PCDH15: variants seen among roughly 807,000 people sequenced by gnomAD.
PCDH15 encodes protocadherin-15.
A neutral mutation model predicts 178.5 loss-of-function variants in PCDH15; 129 were observed. The ratio of observed to expected loss-of-function variants is 0.72; its 90% CI spans 0.63 to 0.84. PCDH15 has a LOEUF of 0.84. Ranked by LOEUF, PCDH15 falls within the 40% of genes least tolerant of loss-of-function variation. The probability of loss-of-function intolerance (pLI) is 0.00; values close to 1 mark genes in which losing one functional copy is unlikely to be tolerated. For missense variants in PCDH15, 2,230 were observed against 2,099.9 expected, an observed-to-expected ratio of 1.06 and a Z score of -1.21; for synonymous variants, 800 against 732.0, an observed-to-expected ratio of 1.09 and a Z score of -1.50.
At chr10:55,053,928 G>T (rs958976361) in intron 2 of PCDH15, among the ~76,000 whole-genome samples, 24 of 152,128 alleles carry the variant, frequency 1.6e-4, no homozygotes, top group African/African-American at 5.6e-4. Flanking sequence ...GGCCATTAGA[G>T]AAAAGCGAAG....
intron 3 of PCDH15, among the ~76,000 whole-genome samples, chr10:54,882,046 A>G (rs554312310): frequency 6.6e-6 from 1 of 152,180 alleles, no homozygotes; most frequent in African/African-American, 2.4e-5. Context: ...CCTGGTTCCT[A>G]AGACTGTTCA....
chr10:55,043,795 C>T (rs959122064), intron 2 of PCDH15, among the ~76,000 whole-genome samples: 3 of 151,682 alleles, frequency 2.0e-5, no homozygotes, highest in African/African-American at 7.3e-5. Context: ...ATAGAAACCT[C>T]TTACGTGAGT....
At chr10:54,551,368 T>C (rs942250489) in intron 2 of PCDH15, among the ~76,000 whole-genome samples, 3 of 151,970 alleles carry the variant, frequency 2.0e-5, no homozygotes, top group African/African-American at 7.2e-5. Flanking sequence ...AATCTAGAAA[T>C]TAAATGTATC....
At chr10:54,527,092 TAGAAAC>T (rs2083433711) in intron 3 of PCDH15, among the ~76,000 whole-genome samples, 1 of 152,210 alleles carries the variant, frequency 6.6e-6, no homozygotes, top group African/African-American at 2.4e-5. Flanking sequence ...TAGTTTAAAA[TAGAAAC>T]AGAGTCCCAA....
intron 1 of PCDH15, among the ~76,000 whole-genome samples, chr10:55,224,316 C>T (rs1840965993): frequency 6.6e-6 from 1 of 152,118 alleles, no homozygotes; most frequent in Non-Finnish European, 1.5e-5. Context: ...CAAATGTTCC[C>T]TCAAAAGGTG....
intron 2 of PCDH15, among the ~76,000 whole-genome samples, chr10:55,560,905 C>A (rs1219922794): frequency 2.6e-5 from 4 of 151,674 alleles, no homozygotes; most frequent in African/African-American, 9.7e-5. Flanking sequence ...TAAAGAGTAA[C>A]TTTTGTTGCA....
intron 2 of PCDH15, among the ~76,000 whole-genome samples, chr10:55,572,967 C>A (rs1842435346): frequency 6.6e-6 from 1 of 151,940 alleles, no homozygotes; most frequent in African/African-American, 2.4e-5. Flanking sequence ...GATCTGTTTG[C>A]AGTGAATTGA....
intron 2 of PCDH15, among the ~76,000 whole-genome samples, chr10:55,404,945 C>T (rs1227063288): frequency 6.6e-6 from 1 of 151,808 alleles, no homozygotes; most frequent in Non-Finnish European, 1.5e-5. Context: ...TTATGAACTA[C>T]AAGTCTTCTT....
chr10:55,177,719 T>C lies in PCDH15; in HGVS notation c.-155-11068A>G, dbSNP rs552775308. Among the ~76,000 whole-genome samples the C allele has an allele frequency of 3.9e-5, 6 of 152,272 alleles. No homozygotes were observed. In the South Asian group the frequency reaches 1.0e-3, roughly 26 times the overall value. On this transcript the variant is annotated intron_variant, in intron 1 of 5. Transcript: ENST00000458638. Reference sequence around the variant, plus strand: ...GATCTACAGTCCAGTTAAGAAGGTGTCACTGTCAAAACTCAGCCACCTTCC... The same window carrying C: ...GATCTACAGTCCAGTTAAGAAGGTGCCACTGTCAAAACTCAGCCACCTTCC...
At chr10:54,649,648 T>G (rs909064661) in intron 2 of PCDH15, among the ~76,000 whole-genome samples, 1 of 152,114 alleles carries the variant, frequency 6.6e-6, no homozygotes, top group South Asian at 2.1e-4. Context: ...CATATACATG[T>G]GTGTGTATGT....
intron 16 of PCDH15, among the ~76,000 whole-genome samples, chr10:54,081,491 T>C (rs572871328): frequency 1.3e-5 from 2 of 152,260 alleles, no homozygotes; most frequent in South Asian, 2.1e-4. Flanking sequence ...TTTTATGTAA[T>C]ACGCGGGCCT....
At chr10:55,270,839 A>G (rs1002371155) in intron 1 of PCDH15, among the ~76,000 whole-genome samples, 2 of 151,758 alleles carry the variant, frequency 1.3e-5, no homozygotes, top group Non-Finnish European at 1.5e-5. Context: ...ATGCACTCAC[A>G]TGTTCATTGC....
chr10:54,518,975 A>T (rs925513999), intron 3 of PCDH15, among the ~76,000 whole-genome samples: 3 of 152,232 alleles, frequency 2.0e-5, no homozygotes, highest in Non-Finnish European at 4.4e-5. Context: ...TGATTATCTC[A>T]ATAGATGCAG....
At chr10:54,201,091 T>C (rs906857215) in intron 10 of PCDH15, among the ~76,000 whole-genome samples, 5 of 152,166 alleles carry the variant, frequency 3.3e-5, no homozygotes, top group Non-Finnish European at 5.9e-5. Context: ...GGCAGCTACA[T>C]AGTTACAGGT....
intron 2 of PCDH15, among the ~76,000 whole-genome samples, chr10:54,530,039 G>A (rs2083751993): frequency 6.6e-6 from 1 of 151,960 alleles, no homozygotes; most frequent in Non-Finnish European, 1.5e-5. Flanking sequence ...TTATGGGCAA[G>A]CAGAATATAG....
intron 2 of PCDH15, among the ~76,000 whole-genome samples, chr10:55,426,872 G>A (rs1291464660): frequency 2.6e-5 from 4 of 152,098 alleles, no homozygotes; most frequent in African/African-American, 9.7e-5. Context: ...CTCTCCCTCT[G>A]AAGTCAAGCC....
chr10:54,926,261 G>C (rs1318309023), intron 2 of PCDH15, among the ~76,000 whole-genome samples: 1 of 152,006 alleles, frequency 6.6e-6, no homozygotes, highest in African/African-American at 2.4e-5. Flanking sequence ...ATTGATTTGA[G>C]TATGTTGAAC....
chr10:55,239,524 C>T (rs1178300874), intron 1 of PCDH15, among the ~76,000 whole-genome samples: 1 of 152,086 alleles, frequency 6.6e-6, no homozygotes, highest in Non-Finnish European at 1.5e-5. Context: ...ACCCCTCTTG[C>T]CATATACAAA....
At chr10:54,298,723 G>A (rs1396617710) in intron 8 of PCDH15, among the ~76,000 whole-genome samples, 6 of 152,168 alleles carry the variant, frequency 3.9e-5, no homozygotes, top group Non-Finnish European at 5.9e-5. Flanking sequence ...CCCCAGGTAC[G>A]TTTAACTATT....
Sources: allele counts gnomAD v4.1 joint callset (sites outside exome capture counted in the v4.1 genomes callset), GRCh38; gene constraint gnomAD v4.1.1; transcripts MANE v1.5; gene names NCBI Gene and HGNC (gene_info 2026-07-23, HGNC 2026-07-21).